Variants in IRS1 observed in about 807,000 individuals in gnomAD.
IRS1 encodes insulin receptor substrate 1.
IRS1 carries 34 observed loss-of-function variants against 65.6 expected under a neutral mutation model. The observed-to-expected ratio is 0.52, with a 90% confidence interval of 0.39 to 0.69. IRS1 has a LOEUF of 0.69. Among genes scored for constraint, IRS1 ranks in the 30% least tolerant of loss-of-function variants. The pLI, the probability that IRS1 is intolerant of heterozygous loss-of-function variation, is 0.00. For synonymous variants in IRS1, 699 were observed against 683.5 expected (o/e 1.02, Z -0.35); for missense variants, 1,641 against 1,720.2 (o/e 0.95, Z 0.81).
intron 1 of IRS1, among the ~76,000 whole-genome samples, chr2:226,758,883 A>G (rs1260174850): frequency 6.6e-6 from 1 of 152,222 alleles, no homozygotes; most frequent in Non-Finnish European, 1.5e-5. Flanking sequence ...GTGATGCTCT[A>G]CAGATAGATA....
chr2:226,756,380 G>A (rs749359564), intron 1 of IRS1, among the ~76,000 whole-genome samples: 14 of 152,132 alleles, frequency 9.2e-5, no homozygotes, highest in Non-Finnish European at 1.6e-4. Context: ...AAGGATTATA[G>A]GTAAACATGA....
chr2:226,785,990 G>A lies in IRS1; in HGVS notation c.*21+8999C>T, dbSNP rs564287841. On this transcript the variant is annotated intron_variant, in intron 1 of 1. Coordinates refer to ENST00000305123, the MANE Select transcript of IRS1 (RefSeq NM_005544.3). ...TTCCCACCTATGAGTGAGAACATGC[G>A]GTGTTTGGTTTTTTGTCCTTGCGAT... 1.2e-4 allele frequency among the ~76,000 whole-genome samples: 18 copies of A among 147,886 alleles called. 1 individual carries two copies. The highest frequency in any genetic ancestry group is 2.1e-4 in the Admixed American group (3 of 14,576).
intron 1 of IRS1, among the ~76,000 whole-genome samples, chr2:226,747,459 A>T (rs1008155059): frequency 6.6e-6 from 1 of 152,128 alleles, no homozygotes; most frequent in East Asian, 1.9e-4. Flanking sequence ...GAAGACGGCC[A>T]TCGTAAACCA....
At chr2:226,766,430 C>G (rs2106169635) in intron 1 of IRS1, among the ~76,000 whole-genome samples, 1 of 151,560 alleles carries the variant, frequency 6.6e-6, no homozygotes, top group Non-Finnish European at 1.5e-5. Context: ...TCCCAAAGTG[C>G]TGGGATGACA....
chr2:226,764,437 G>A (rs986876586), intron 1 of IRS1, among the ~76,000 whole-genome samples: 1 of 152,112 alleles, frequency 6.6e-6, no homozygotes. Flanking sequence ...AAGCTACATG[G>A]GAGGATAAGG....
chr2:226,767,379 TA>T (rs1414540142), intron 1 of IRS1, among the ~76,000 whole-genome samples: 1 of 152,036 alleles, frequency 6.6e-6, no homozygotes, highest in African/African-American at 2.4e-5. Flanking sequence ...GTTTCCAAAA[TA>T]AAAAAAGGCC....
chr2:226,760,301 ACAATT>A (rs1466392238), intron 1 of IRS1, among the ~76,000 whole-genome samples: 5 of 152,354 alleles, frequency 3.3e-5, no homozygotes, highest in Admixed American at 3.3e-4. Context: ...TTTTAAAACT[ACAATT>A]CAATAAGTGG....
rs34909077 is a variant in IRS1 at position 226,796,735 on chromosome 2, G to C, written c.2004C>G (p.Ser668Arg). 6.2e-7 allele frequency: 1 copy of C among 1,610,926 alleles called. No homozygotes were observed. The highest frequency in any genetic ancestry group is 8.5e-7 in the Non-Finnish European group (1 of 1,178,056). ...DPNGYMMMSP[S>R]GGCSPDIGGG... ...CTCCAATGTCAGGAGAGCAGCCACC[G>C]CTGGGGGACATCATCATGTAGCCAT... The change falls in exon 1 of 2, where the codon AGC becomes AGG. Residue 668 changes from serine (S) to arginine (R), a missense_variant. Ser to Arg is a moderately radical substitution (Grantham distance 110). Transcript: ENST00000305123.
At chr2:226,752,853 G>A (rs754879892) in intron 1 of IRS1, among the ~76,000 whole-genome samples, 5 of 152,210 alleles carry the variant, frequency 3.3e-5, no homozygotes, top group Admixed American at 1.3e-4. Context: ...ACTTACTGGC[G>A]TGGGACCTCG....
chr2:226,754,971 G>A (rs2106164178), intron 1 of IRS1, among the ~76,000 whole-genome samples: 1 of 152,212 alleles, frequency 6.6e-6, no homozygotes, highest in Admixed American at 6.5e-5. Context: ...ACAACAAACT[G>A]GGTGTGACTA....
chr2:226,731,789 A>G lies in IRS1; in HGVS notation c.*4483T>C, dbSNP rs1938224799. On this transcript the variant is annotated 3_prime_UTR_variant, in exon 2 of 2. Coordinates refer to ENST00000305123, the MANE Select transcript of IRS1 (RefSeq NM_005544.3). ...TAAGGAAAGTACTTTGCAAGAAAAA[A>G]TTGTTTTGGGAACTACATTCTTAAG... 1 of 152,122 alleles carries G rather than the reference A, an allele frequency of 6.6e-6. No homozygotes were observed. Among genetic ancestry groups the G allele is most frequent in the Non-Finnish European group, 1.5e-5 (1 of 68,022 alleles). The allele number at this position is 152,122 out of a possible 1,614,324, so 9.4% of individuals were successfully genotyped here.
intron 1 of IRS1, among the ~76,000 whole-genome samples, chr2:226,791,066 C>T (rs946313076): frequency 6.6e-6 from 1 of 152,206 alleles, no homozygotes; most frequent in Non-Finnish European, 1.5e-5. Flanking sequence ...TGTGAGCTCC[C>T]TCACAGCCCA....
At chr2:226,766,157 A>ATTTTTTTTTT (rs1939040644) in intron 1 of IRS1, among the ~76,000 whole-genome samples, 3 of 5,786 alleles carry the variant, frequency 5.2e-4, no homozygotes, top group Non-Finnish European at 1.2e-3. Flanking sequence ...ATATATATAT[A>ATTTTTTTTTT]TATATATTTT....
intron 1 of IRS1, among the ~76,000 whole-genome samples, chr2:226,780,155 G>A (rs972717877): frequency 1.3e-5 from 2 of 152,174 alleles, no homozygotes; most frequent in African/African-American, 4.8e-5. Context: ...CACTTTGGGA[G>A]GCCGAGGCGG....
intron 1 of IRS1, among the ~76,000 whole-genome samples, chr2:226,771,760 T>A (rs1258970240): frequency 6.6e-6 from 1 of 151,968 alleles, no homozygotes; most frequent in Non-Finnish European, 1.5e-5. Flanking sequence ...AAGAGTAGAG[T>A]CAAGAATTCT....
At chr2:226,765,707 A>G (rs2106168836) in intron 1 of IRS1, among the ~76,000 whole-genome samples, 1 of 152,292 alleles carries the variant, frequency 6.6e-6, no homozygotes, top group East Asian at 1.9e-4. Flanking sequence ...GGAACAGGAA[A>G]GGCTTTCCCA....
intron 1 of IRS1, among the ~76,000 whole-genome samples, chr2:226,745,402 A>C (rs1938520806): frequency 6.6e-6 from 1 of 152,254 alleles, no homozygotes; most frequent in Non-Finnish European, 1.5e-5. Flanking sequence ...TTTCAGAATG[A>C]AGATGGAACT....
At chr2:226,739,562 T>C (rs946519144) in intron 1 of IRS1, among the ~76,000 whole-genome samples, 2 of 152,222 alleles carry the variant, frequency 1.3e-5, no homozygotes, top group Admixed American at 6.5e-5. Context: ...CTGATTAAGC[T>C]GGGTAATTGT....
chr2:226,782,151 G>A (rs1365398518), intron 1 of IRS1, among the ~76,000 whole-genome samples: 1 of 151,940 alleles, frequency 6.6e-6, no homozygotes, highest in Admixed American at 6.6e-5. Flanking sequence ...GTGGGTTAGG[G>A]GGGTGGACTG....
Sources: gnomAD v4.1 joint callset for allele counts (sites outside exome capture counted in the v4.1 genomes callset) on GRCh38, gnomAD v4.1.1 for gene constraint, MANE v1.5 for transcripts, NCBI Gene and HGNC (gene_info 2026-07-23, HGNC 2026-07-21) for gene names.